CTNNA3: variants seen among roughly 807,000 people sequenced by gnomAD.
The protein encoded by CTNNA3 is catenin alpha-3.
In CTNNA3, 76 loss-of-function variants were observed where a neutral mutation model predicts 95.7. The ratio of observed to expected loss-of-function variants is 0.79; its 90% CI spans 0.66 to 0.96. CTNNA3 has a LOEUF of 0.96. Ranked by LOEUF, CTNNA3 falls within the 40% of genes least tolerant of loss-of-function variation. CTNNA3 has a pLI of 0.00. For missense variants in CTNNA3, 1,191 were observed against 1,089.8 expected (o/e 1.09, Z -1.31); for synonymous variants, 431 against 374.4 (o/e 1.15, Z -1.74).
chr10:66,921,021 A>G (rs1036243641), intron 7 of CTNNA3, among the ~76,000 whole-genome samples: 3 of 152,166 alleles, frequency 2.0e-5, no homozygotes, highest in African/African-American at 7.2e-5. Context: ...CTGTGCTTCT[A>G]TAAACAAAAA....
intron 9 of CTNNA3, among the ~76,000 whole-genome samples, chr10:66,635,328 G>C (rs191192010): frequency 1.8e-4 from 27 of 152,204 alleles, no homozygotes; most frequent in Non-Finnish European, 5.9e-5. Flanking sequence ...CTGAGGTCAA[G>C]AATAAATATG....
At chr10:67,199,363 TTTGTTG>T (rs200825984) in intron 6 of CTNNA3, among the ~76,000 whole-genome samples, 2 of 151,190 alleles carry the variant, frequency 1.3e-5, no homozygotes, top group Admixed American at 6.6e-5. Context: ...GTTTTTCCTT[TTTGTTG>T]TTGTTGTTGT....
At chr10:67,106,219 C>G (rs1329989106) in intron 7 of CTNNA3, among the ~76,000 whole-genome samples, 3 of 152,134 alleles carry the variant, frequency 2.0e-5, no homozygotes, top group Admixed American at 2.0e-4. Context: ...AACAGATAAA[C>G]ATTTTATGTA....
At chr10:66,995,357 T>C (rs937772147) in intron 7 of CTNNA3, among the ~76,000 whole-genome samples, 1 of 152,116 alleles carries the variant, frequency 6.6e-6, no homozygotes, top group Non-Finnish European at 1.5e-5. Context: ...CTTTTCTTCA[T>C]ACCCACTGCC....
At chr10:67,568,282 A>G (rs1485328431) in intron 3 of CTNNA3, among the ~76,000 whole-genome samples, 1 of 151,212 alleles carries the variant, frequency 6.6e-6, no homozygotes, top group Admixed American at 6.6e-5. Context: ...CACCATCCAT[A>G]TTAGTCAGAG....
chr10:67,701,688 C>T (rs1417049116), intron 1 of CTNNA3, among the ~76,000 whole-genome samples: 1 of 152,134 alleles, frequency 6.6e-6, no homozygotes, highest in African/African-American at 2.4e-5. Flanking sequence ...ACTGTAAAGA[C>T]CATCGAGGCT....
intron 2 of CTNNA3, among the ~76,000 whole-genome samples, chr10:67,641,733 C>T (rs1456862575): frequency 2.0e-5 from 3 of 152,152 alleles, no homozygotes; most frequent in Non-Finnish European, 4.4e-5. Flanking sequence ...TGGAAACCAT[C>T]ATTCTCAGCA....
chr10:67,017,628 T>C (rs1852736328), intron 7 of CTNNA3, among the ~76,000 whole-genome samples: 1 of 152,182 alleles, frequency 6.6e-6, no homozygotes, highest in Non-Finnish European at 1.5e-5. Context: ...ATAGTTCTAA[T>C]GTTTGGAAGT....
At chr10:67,424,791 G>A (rs962892741) in intron 5 of CTNNA3, among the ~76,000 whole-genome samples, 2 of 151,978 alleles carry the variant, frequency 1.3e-5, no homozygotes, top group African/African-American at 4.8e-5. Context: ...AACAGAGATT[G>A]TGTTTGATGA....
chr10:67,050,875 C>T (rs1406130150), intron 7 of CTNNA3, among the ~76,000 whole-genome samples: 1 of 152,200 alleles, frequency 6.6e-6, no homozygotes, highest in Admixed American at 6.5e-5. Context: ...GTTTGGATTA[C>T]TTACATACGT....
intron 1 of CTNNA3, among the ~76,000 whole-genome samples, chr10:67,701,961 G>A (rs1004880833): frequency 1.3e-5 from 2 of 152,162 alleles, no homozygotes; most frequent in African/African-American, 4.8e-5. Flanking sequence ...ACAAAAAAAG[G>A]CAGGGGTTGC....
intron 7 of CTNNA3, among the ~76,000 whole-genome samples, chr10:66,864,166 A>G (rs1844070436): frequency 1.3e-5 from 2 of 152,200 alleles, no homozygotes. Context: ...CCCAAAGATC[A>G]TGTGTTGGAA....
intron 11 of CTNNA3, among the ~76,000 whole-genome samples, chr10:66,389,210 A>T (rs984738568): frequency 1.3e-5 from 2 of 150,002 alleles, no homozygotes; most frequent in Non-Finnish European, 3.0e-5. Flanking sequence ...CTCTCCTCAA[A>T]AATTTTTTTT....
At chr10:66,352,436 TAAAG>T (rs957860786) in intron 12 of CTNNA3, among the ~76,000 whole-genome samples, 1 of 152,064 alleles carries the variant, frequency 6.6e-6, no homozygotes, top group African/African-American at 2.4e-5. Context: ...ACATTCATAA[TAAAG>T]GAAGAGGACT....
At chr10:67,379,746 G>C (rs1843848391) in intron 5 of CTNNA3, among the ~76,000 whole-genome samples, 1 of 152,076 alleles carries the variant, frequency 6.6e-6, no homozygotes, top group African/African-American at 2.4e-5. Flanking sequence ...GAGAGGCCGG[G>C]CGCGGTGGCT....
At chr10:66,578,233 A>T (rs936383666) in intron 10 of CTNNA3, among the ~76,000 whole-genome samples, 1 of 152,000 alleles carries the variant, frequency 6.6e-6, no homozygotes, top group African/African-American at 2.4e-5. Flanking sequence ...GGCAGAATCT[A>T]TGGGGTTTTC....
At chr10:67,057,943 A>G (rs1360828242) in intron 7 of CTNNA3, among the ~76,000 whole-genome samples, 1 of 152,196 alleles carries the variant, frequency 6.6e-6, no homozygotes, top group Non-Finnish European at 1.5e-5. Context: ...ATCACTTTGC[A>G]GAAGTGATTT....
intron 13 of CTNNA3, among the ~76,000 whole-genome samples, chr10:66,222,936 G>A (rs1401061328): frequency 6.6e-6 from 1 of 152,132 alleles, no homozygotes; most frequent in Non-Finnish European, 1.5e-5. Flanking sequence ...AAGTTGCTTT[G>A]TAATAATTGT....
At chr10:66,607,472 CAAAAAAAAAAAAAAA>C in intron 10 of CTNNA3, among the ~76,000 whole-genome samples, 1 of 45,288 alleles carries the variant, frequency 2.2e-5, no homozygotes, top group South Asian at 1.1e-3. Context: ...CAGAGACAAC[CAAAAAAAAAAAAAAA>C]AAAAAAAAAG....
Sources: allele counts gnomAD v4.1 joint callset (sites outside exome capture counted in the v4.1 genomes callset), GRCh38; gene constraint gnomAD v4.1.1; transcripts MANE v1.5; gene names NCBI Gene and HGNC (gene_info 2026-07-23, HGNC 2026-07-21).